Variants in KIAA0513 observed in about 807,000 individuals in gnomAD.
KIAA0513 encodes uncharacterized protein KIAA0513.
KIAA0513 carries 39 observed loss-of-function variants against 56.5 expected under a neutral mutation model. That is an observed-to-expected ratio of 0.69 (90% CI 0.53 to 0.90). The LOEUF (loss-of-function observed/expected upper bound fraction) is 0.90, where lower values mean the gene tolerates loss of function less well. Among genes scored for constraint, KIAA0513 ranks in the 40% least tolerant of loss-of-function variants. The pLI, the probability that KIAA0513 is intolerant of heterozygous loss-of-function variation, is 0.00. For missense variants in KIAA0513, 591 were observed against 535.2 expected, an observed-to-expected ratio of 1.10 and a Z score of -1.03; for synonymous variants, 268 against 215.6, an observed-to-expected ratio of 1.24 and a Z score of -2.13.
At chr16:85,034,224 A>G (rs1597586282) in intron 1 of KIAA0513, among the ~76,000 whole-genome samples, 1 of 152,136 alleles carries the variant, frequency 6.6e-6, no homozygotes, top group African/African-American at 2.4e-5. Flanking sequence ...TACTAAAAAT[A>G]CAAAAATTAG....
chr16:85,082,488 TTC>T, intron 9 of KIAA0513, 74 bp from the exon 10 acceptor site: 3 of 1,444,406 alleles, frequency 2.1e-6, no homozygotes, highest in Non-Finnish European at 2.9e-6. Context: ...CCTCTGCTTG[TTC>T]TCTTTTTACC....
At chr16:85,071,745 T>TC (rs755317990) in intron 2 of KIAA0513, 38 bp from the exon 3 acceptor site, 1 of 1,449,092 alleles carries the variant, frequency 6.9e-7, no homozygotes, top group African/African-American at 1.5e-5. Flanking sequence ...GAAAAGGGTT[T>TC]TTTTTTTTTT....
chr16:85,056,280 G>A (rs562771830), intron 1 of KIAA0513, among the ~76,000 whole-genome samples: 6 of 152,300 alleles, frequency 3.9e-5, no homozygotes, highest in South Asian at 2.1e-4. Flanking sequence ...CCATCAGCGC[G>A]GCGTTAGAAA....
intron 1 of KIAA0513, among the ~76,000 whole-genome samples, chr16:85,044,310 T>C (rs1240131224): frequency 1.3e-5 from 2 of 152,046 alleles, no homozygotes; most frequent in Non-Finnish European, 2.9e-5. Flanking sequence ...GGAAGGCATG[T>C]CGAGTGTCCC....
intron 10 of KIAA0513, among the ~76,000 whole-genome samples, chr16:85,083,474 A>G (rs2144095885): frequency 1.3e-5 from 2 of 151,886 alleles, no homozygotes; most frequent in East Asian, 1.9e-4. Flanking sequence ...CCTTTCATGA[A>G]CAAAGCCCCT....
intron 1 of KIAA0513, among the ~76,000 whole-genome samples, chr16:85,041,138 G>A (rs1440914716): frequency 6.6e-6 from 1 of 152,174 alleles, no homozygotes; most frequent in East Asian, 1.9e-4. Flanking sequence ...GGGTTTTGGG[G>A]AATACTTCCA....
At chr16:85,075,800 C>T (rs757016356) in intron 4 of KIAA0513, 44 bp from the exon 5 acceptor site, 1 of 1,583,946 alleles carries the variant, frequency 6.3e-7, no homozygotes, top group South Asian at 1.1e-5. Context: ...CAGGAAGAAG[C>T]AGGTGGAGCG....
At chr16:85,057,377 G>T (rs983307185) in intron 1 of KIAA0513, among the ~76,000 whole-genome samples, 1 of 152,206 alleles carries the variant, frequency 6.6e-6, no homozygotes, top group Non-Finnish European at 1.5e-5. Flanking sequence ...CCATCACCAA[G>T]TGTACAGGGC....
rs1289180683 is a variant in KIAA0513, at chr16:85,071,838, A to T, written c.385A>T (p.Asn129Tyr). The T allele has an allele frequency of 1.2e-6, 2 of 1,612,726 alleles. No individual in the cohort carries two copies. Among genetic ancestry groups the T allele is most frequent in the South Asian group, 2.2e-5 (2 of 91,026 alleles). The stretch of plus-strand genomic sequence containing the variant: ...GTTTGGAGAGTACTGCAGCAGTGAA[A>T]ATGGAAAAGGCCGGGAGTGGTTTGC... ...AKFGEYCSSE[N>Y]GKGREWFARY... Residue 129 changes from asparagine to tyrosine, a missense_variant, in exon 3 of 13, where the codon AAT (asparagine) becomes TAT (tyrosine). Transcript: ENST00000683363.
intron 1 of KIAA0513, among the ~76,000 whole-genome samples, chr16:85,035,299 C>T (rs2073020193): frequency 6.6e-6 from 1 of 152,170 alleles, no homozygotes; most frequent in Non-Finnish European, 1.5e-5. Context: ...CAGGCCTAGC[C>T]CAGTGCTCAG....
chr16:85,085,909 T>A (rs1472925542), intron 10 of KIAA0513, among the ~76,000 whole-genome samples: 4 of 152,166 alleles, frequency 2.6e-5, no homozygotes, highest in Admixed American at 1.3e-4. Flanking sequence ...CTGGGTGCTG[T>A]CTTCACCATG....
chr16:85,063,315 G>C (rs2073431116), intron 1 of KIAA0513: 1 of 152,254 alleles, frequency 6.6e-6, no homozygotes, highest in South Asian at 2.1e-4. Flanking sequence ...TCCCAGGCTG[G>C]AGTGCAGAGG....
chr16:85,056,987 G>A (rs2073339318), intron 1 of KIAA0513, among the ~76,000 whole-genome samples: 1 of 152,212 alleles, frequency 6.6e-6, no homozygotes, highest in Admixed American at 6.6e-5. Flanking sequence ...TTACAGGCAG[G>A]AGCCACTGCA....
At chr16:85,070,536 G>C (rs555230549) in intron 2 of KIAA0513, among the ~76,000 whole-genome samples, 33 of 152,258 alleles carry the variant, frequency 2.2e-4, no homozygotes, top group African/African-American at 7.7e-4. Context: ...AAATTAGCTG[G>C]GCGTGGTGGC....
chr16:85,064,198 G>T (rs527465119), intron 1 of KIAA0513, among the ~76,000 whole-genome samples: 1 of 151,792 alleles, frequency 6.6e-6, no homozygotes, highest in South Asian at 2.1e-4. Context: ...TAGAGACAGG[G>T]TTTCACCGTG....
At chr16:85,050,670 G>A (rs896675672) in intron 1 of KIAA0513, among the ~76,000 whole-genome samples, 1 of 152,158 alleles carries the variant, frequency 6.6e-6, no homozygotes, top group African/African-American at 2.4e-5. Context: ...AATCCCCTGG[G>A]GGCTGACTCA....
At chr16:85,069,039 C>G (rs1243950477) in intron 2 of KIAA0513, among the ~76,000 whole-genome samples, 2 of 151,718 alleles carry the variant, frequency 1.3e-5, no homozygotes, top group Non-Finnish European at 2.9e-5. Context: ...GGAGCAGATT[C>G]TTTTTTAGAG....
intron 1 of KIAA0513, among the ~76,000 whole-genome samples, chr16:85,065,304 G>A (rs920326399): frequency 6.6e-6 from 1 of 152,230 alleles, no homozygotes; most frequent in Non-Finnish European, 1.5e-5. Flanking sequence ...CGCAGCTGGC[G>A]AGGGGAGACC....
At chr16:85,057,757 C>CTTTTTTTTTTTTTTTTTTT (rs1460366309) in intron 1 of KIAA0513, among the ~76,000 whole-genome samples, 1 of 147,778 alleles carries the variant, frequency 6.8e-6, no homozygotes, top group African/African-American at 2.6e-5. Flanking sequence ...GCTGCCTCTG[C>CTTTTTTTTTTTTTTTTTTT]TTTTTGTTTT....
Sources: gnomAD v4.1 joint callset for allele counts (sites outside exome capture counted in the v4.1 genomes callset) on GRCh38, gnomAD v4.1.1 for gene constraint, MANE v1.5 for transcripts, NCBI Gene and HGNC (gene_info 2026-07-23, HGNC 2026-07-21) for gene names.